Variants in PREP observed in about 807,000 individuals in gnomAD.
PREP encodes prolyl endopeptidase, also known as dJ355L5.1 (prolyl endopeptidase).
A neutral mutation model predicts 87.6 loss-of-function variants in PREP; 29 were observed. The ratio of observed to expected loss-of-function variants is 0.33; its 90% CI spans 0.25 to 0.45. The LOEUF (loss-of-function observed/expected upper bound fraction) is 0.45. Ranked by LOEUF, PREP falls within the 20% of genes least tolerant of loss-of-function variation. The pLI is 1.00. For synonymous variants in PREP, 337 were observed against 328.6 expected (o/e 1.03, Z -0.28); for missense variants, 695 against 886.5 (o/e 0.78, Z 2.74).
intron 10 of PREP, among the ~76,000 whole-genome samples, chr6:105,314,539 C>T (rs1770821713): frequency 6.6e-6 from 1 of 152,156 alleles, no homozygotes; most frequent in African/African-American, 2.4e-5. Context: ...CTCAAGAAAC[C>T]AATTTCTTTG....
chr6:105,327,668 C>G (rs893303656), intron 9 of PREP, among the ~76,000 whole-genome samples: 9 of 152,182 alleles, frequency 5.9e-5, no homozygotes, highest in Non-Finnish European at 1.2e-4. Context: ...CCTTGCTCTC[C>G]CCTAAGACTG....
intron 10 of PREP, chr6:105,323,030 A>G: frequency 7.7e-7 from 1 of 1,303,938 alleles, no homozygotes; most frequent in Non-Finnish European, 1.0e-6. Context: ...GTGACCTCTC[A>G]TTGCAAAGGA....
intron 7 of PREP, among the ~76,000 whole-genome samples, chr6:105,338,294 T>G (rs1477475803): frequency 6.6e-6 from 1 of 152,174 alleles, no homozygotes; most frequent in African/African-American, 2.4e-5. Context: ...TTATGACCCC[T>G]CCCTACCCAA....
intron 5 of PREP, among the ~76,000 whole-genome samples, chr6:105,371,928 T>C (rs942858476): frequency 1.1e-4 from 16 of 152,222 alleles, no homozygotes; most frequent in African/African-American, 3.6e-4. Context: ...CTAACATGAA[T>C]TGGCCAGTTA....
At chr6:105,376,400 T>A in intron 3 of PREP, 145 bp from the exon 4 acceptor site, 1 of 850,618 alleles carries the variant, frequency 1.2e-6, no homozygotes, top group South Asian at 2.0e-5. Context: ...CGTGGGGACA[T>A]GGGTGAAAGG....
intron 6 of PREP, among the ~76,000 whole-genome samples, chr6:105,360,043 C>T (rs781101289): frequency 6.6e-6 from 1 of 152,180 alleles, no homozygotes; most frequent in Non-Finnish European, 1.5e-5. Flanking sequence ...GCAGTGTGTA[C>T]AACACAGCCC....
In PREP at chr6:105,359,573, T is replaced by C. The variant is rs116053518; in HGVS notation, c.718-6496A>G. Reference sequence around the variant, plus strand: ...TATATCTCACTGACAGACATCAGCATGTGTAGTGGGTGCTGTGCTGGGCTG... The same window carrying C: ...TATATCTCACTGACAGACATCAGCACGTGTAGTGGGTGCTGTGCTGGGCTG... On this transcript the variant is annotated intron_variant, in intron 6 of 14. Transcript: ENST00000652536. Among the ~76,000 whole-genome samples the C allele has an allele frequency of 5.5e-3, 833 of 152,276 alleles. 12 individuals are homozygous for C. The highest frequency in any genetic ancestry group is 0.041 in the South Asian group (196 of 4,824).
At chr6:105,353,998 T>G (rs1465056377) in intron 6 of PREP, among the ~76,000 whole-genome samples, 1 of 152,184 alleles carries the variant, frequency 6.6e-6, no homozygotes, top group Non-Finnish European at 1.5e-5. Context: ...TAAAAAAATC[T>G]AATACAAACA....
intron 2 of PREP, among the ~76,000 whole-genome samples, chr6:105,388,490 T>TG (rs1424606580): frequency 2.4e-4 from 6 of 25,478 alleles, no homozygotes; most frequent in Admixed American, 4.1e-4. Context: ...GATTGGGGGG[T>TG]GGGGGTGGGG....
At chr6:105,301,574 T>C (rs1263092948) in intron 10 of PREP, among the ~76,000 whole-genome samples, 1 of 152,122 alleles carries the variant, frequency 6.6e-6, no homozygotes, top group African/African-American at 2.4e-5. Context: ...GCATTTAACT[T>C]TTGGGGAGTA....
chr6:105,324,324 A>G (rs1771090320), intron 9 of PREP, among the ~76,000 whole-genome samples: 2 of 152,216 alleles, frequency 1.3e-5, no homozygotes, highest in Admixed American at 6.5e-5. Flanking sequence ...AAAGATGATC[A>G]GTAGATATTT....
At chr6:105,380,532 G>A (rs1772809897) in intron 2 of PREP, among the ~76,000 whole-genome samples, 1 of 152,220 alleles carries the variant, frequency 6.6e-6, no homozygotes, top group Non-Finnish European at 1.5e-5. Flanking sequence ...AGGAGGCTGG[G>A]ACAGTGGTTC....
In PREP at chr6:105,277,788, T is replaced by TAAAG. The variant is rs745887962; in HGVS notation, c.*352_*355dup. On this transcript the variant is annotated 3_prime_UTR_variant, in exon 15 of 15. Transcript: ENST00000652536. ...CATGAGAACAGTTCTCACATTTATT[T>TAAAG]AAAGATATAGAGGTTATGGATATAG... 5.3e-5 allele frequency: 11 copies of TAAAG among 206,840 alleles called. No homozygotes were observed. The highest frequency in any genetic ancestry group is 1.1e-4 in the East Asian group (1 of 8,752). The allele number at this position is 206,840 out of a possible 1,614,324, so 12.8% of individuals were successfully genotyped here. A position where few individuals can be genotyped will look rare whatever the true frequency, so the allele number is the denominator to read the frequency against.
At chr6:105,378,677 A>G (rs1772757060) in intron 2 of PREP, among the ~76,000 whole-genome samples, 1 of 152,258 alleles carries the variant, frequency 6.6e-6, no homozygotes, top group African/African-American at 2.4e-5. Flanking sequence ...GCTACTAGTA[A>G]TTCACATCTG....
At chr6:105,322,199 C>G (rs1771030278) in intron 10 of PREP, 1 of 737,240 alleles carries the variant, frequency 1.4e-6, no homozygotes. Context: ...CAGGCCCCTA[C>G]AGGATCTCCC....
intron 7 of PREP, among the ~76,000 whole-genome samples, chr6:105,340,388 G>C (rs1460312140): frequency 6.6e-6 from 1 of 152,116 alleles, no homozygotes; most frequent in Non-Finnish European, 1.5e-5. Flanking sequence ...AGCTCCTGAA[G>C]GAAGCACTAA....
intron 7 of PREP, among the ~76,000 whole-genome samples, chr6:105,339,423 T>C (rs556163204): frequency 6.6e-6 from 1 of 152,254 alleles, no homozygotes; most frequent in East Asian, 1.9e-4. Context: ...ACCACAAAGA[T>C]GGGGAGAAAC....
chr6:105,353,016 C>A lies in PREP; in HGVS notation c.779G>T (p.Arg260Leu), dbSNP rs774687832. Residue 260 changes from arginine (R) to leucine (L), a missense_variant, in exon 7 of 15, where the codon CGA (arginine) becomes CTA (leucine). Physicochemically the swap from Arg to Leu is moderately radical, Grantham distance 102. Transcript: ENST00000652536. The stretch of plus-strand genomic sequence containing the variant: ...CTGCTGTAGGTCACAGTACCAGAGT[C>A]GGTTTACTGGATCACATCCTTCCCT... ...SIREGCDPVN[R>L]LWYCDLQQES... The A allele has an allele frequency of 6.2e-7, 1 of 1,613,988 alleles. No homozygotes were observed. The highest frequency in any genetic ancestry group is 1.1e-5 in the South Asian group (1 of 91,074).
At chr6:105,310,333 T>C (rs1770734513) in intron 10 of PREP, among the ~76,000 whole-genome samples, 3 of 152,204 alleles carry the variant, frequency 2.0e-5, no homozygotes, top group Admixed American at 2.0e-4. Flanking sequence ...CCATCTTCAA[T>C]CACACCCATC....
Sources: allele counts gnomAD v4.1 joint callset (sites outside exome capture counted in the v4.1 genomes callset), GRCh38; gene constraint gnomAD v4.1.1; transcripts MANE v1.5; gene names NCBI Gene and HGNC (gene_info 2026-07-23, HGNC 2026-07-21).